Variants in CASZ1 observed in about 807,000 individuals in gnomAD.
CASZ1 encodes the protein zinc finger protein castor homolog 1.
A neutral mutation model predicts 135.2 loss-of-function variants in CASZ1; 28 were observed. The observed-to-expected ratio is 0.21, with a 90% CI of 0.15 to 0.28. The LOEUF (loss-of-function observed/expected upper bound fraction) is 0.28, where lower values mean the gene tolerates loss of function less well. Among genes scored for constraint, CASZ1 ranks in the 10% least tolerant of loss-of-function variants. The probability of loss-of-function intolerance (pLI) is 1.00; values close to 1 mark genes in which losing one functional copy is unlikely to be tolerated. For missense variants in CASZ1, 2,161 were observed against 2,453.3 expected (o/e 0.88, Z 2.52); for synonymous variants, 1,068 against 1,073.4 (o/e 0.99, Z 0.10).
intron 2 of CASZ1, among the ~76,000 whole-genome samples, chr1:10,738,798 T>G (rs1455133456): frequency 1.3e-5 from 2 of 152,140 alleles, no homozygotes; most frequent in Non-Finnish European, 1.5e-5. Flanking sequence ...ACCATTTCAG[T>G]GATCTATATG....
At chr1:10,648,889 T>G in intron 15 of CASZ1, 181 bp downstream of exon 15, 1 of 794,194 alleles carries the variant, frequency 1.3e-6, no homozygotes, top group Non-Finnish European at 1.9e-6. Context: ...AGCCCCCGGC[T>G]GAGGGCTGCA....
Position 10,727,182 on chromosome 1 carries a change from G to T in CASZ1, c.-76-21638C>A, listed in dbSNP as rs1639612817. Among the ~76,000 whole-genome samples the T allele has an allele frequency of 3.3e-5, 5 of 152,046 alleles. No homozygotes were observed. In the South Asian group the frequency reaches 1.0e-3, roughly 31 times the overall value. ...GAGGGAAAAGGGAGAGGTGGCCAGG[G>T]GTAGGGAGAGGCCCGCGACCGTCCC... On this transcript the variant is annotated intron_variant, in intron 2 of 20. Transcript: ENST00000377022. The surrounding 1 kb of genome is among the most constrained non-coding windows in gnomAD (Gnocchi z 5.3).
intron 1 of CASZ1, among the ~76,000 whole-genome samples, chr1:10,785,274 C>T (rs1472781583): frequency 5.3e-5 from 8 of 149,894 alleles, no homozygotes; most frequent in Non-Finnish European, 8.9e-5. Flanking sequence ...TTTCTTCCTT[C>T]TTTCCTTTCC....
intron 3 of CASZ1, among the ~76,000 whole-genome samples, chr1:10,704,969 C>T (rs1639141661): frequency 6.6e-6 from 1 of 152,362 alleles, no homozygotes; most frequent in Admixed American, 6.5e-5. Flanking sequence ...TGGCCTCGGC[C>T]GTGGCCTTCT....
Position 10,721,604 on chromosome 1 carries a change from GC to G in CASZ1, c.-76-16061del. Among the ~76,000 whole-genome samples, 1 of 152,310 alleles carries G rather than the reference GC, an allele frequency of 6.6e-6. No homozygotes were observed. The highest frequency in any genetic ancestry group is 1.9e-4 in the East Asian group (1 of 5,168). ...GGGCAACTGGCTACCTGCCAGCGTGGCCCCCTTGCCATCAGAGCCCACGGGG... is the reference window on the plus strand; with the variant it reads ...GGGCAACTGGCTACCTGCCAGCGTGGCCCCTTGCCATCAGAGCCCACGGGG... On this transcript the variant is annotated intron_variant, in intron 2 of 20. Coordinates refer to ENST00000377022, the MANE Select transcript of CASZ1 (RefSeq NM_001079843.3). The surrounding 1 kb of genome is among the most constrained non-coding windows in gnomAD (Gnocchi z 5.4).
rs776194300 is a variant in CASZ1, at chr1:10,653,530, C to T, written c.2527G>A (p.Gly843Arg). 5.0e-6 allele frequency: 8 copies of T among 1,603,910 alleles called. No individual in the cohort carries two copies. Among genetic ancestry groups the T allele is most frequent in the Non-Finnish European group, 6.8e-6 (8 of 1,174,170 alleles). ...TPDTPTLVAS[G>R]AGDSAPVAAA... ...GCCACGGGGGCTGAGTCTCCAGCTC[C>T]CGAGGCGACCAGCGTGGGTGTGTCA... Residue 843 changes from glycine to arginine, a missense_variant, in exon 11 of 21, where the codon GGA (glycine) becomes AGA (arginine). By Grantham distance (125) the Gly-to-Arg change is moderately radical. Transcript: ENST00000377022.
At chr1:10,645,454 C>T (rs1323902839) in intron 17 of CASZ1, among the ~76,000 whole-genome samples, 2 of 152,084 alleles carry the variant, frequency 1.3e-5, no homozygotes, top group South Asian at 2.1e-4. Context: ...GGCGTGAACC[C>T]GGGAGGCAGA....
chr1:10,740,188 A>G (rs1422629660), intron 2 of CASZ1, among the ~76,000 whole-genome samples: 1 of 152,228 alleles, frequency 6.6e-6, no homozygotes, highest in Admixed American at 6.5e-5. Flanking sequence ...CAGAGAGGCA[A>G]GGCCACTTGC....
chr1:10,733,889 G>A (rs1209771932), intron 2 of CASZ1, among the ~76,000 whole-genome samples: 3 of 152,158 alleles, frequency 2.0e-5, no homozygotes, highest in Admixed American at 1.3e-4. Context: ...CTGAAGGAGA[G>A]TCCATGAAAT....
At position 10,639,529 on chromosome 1, in the gene CASZ1, T is replaced by C. The variant is rs1210178917; in HGVS notation, c.4693A>G (p.Lys1565Glu). 1 of 1,611,154 alleles carries C rather than the reference T, an allele frequency of 6.2e-7. No individual in the cohort carries two copies. The highest frequency in any genetic ancestry group is 8.5e-7 in the Non-Finnish European group (1 of 1,178,828). ...ADCAVPDCKY[K>E]LKCSHFHCTF... is the part of the protein sequence containing the mutation. ...CAGTGGAAGTGCGAGCACTTGAGCT[T>C]GTACTTGCAGTCGGGCACGGCGCAG... Residue 1565 changes from lysine to glutamate, a missense_variant, in exon 21 of 21, where the codon AAG becomes GAG. Physicochemically the swap from Lys to Glu is moderately conservative, Grantham distance 56. Transcript: ENST00000377022. This position sits in a 1 kb window ranked among gnomAD's most constrained non-coding sequence, Gnocchi z 4.0.
At chr1:10,654,262 C>T (rs1642711059) in intron 10 of CASZ1, 44 bp from the exon 11 acceptor site, 1 of 1,590,434 alleles carries the variant, frequency 6.3e-7, no homozygotes, top group African/African-American at 1.5e-5. Flanking sequence ...CAGAGGAGGC[C>T]CCACCCTGCT....
rs188558205 is a variant in CASZ1, at chr1:10,679,177, G to T, written c.17-13606C>A. 1.3e-5 allele frequency among the ~76,000 whole-genome samples: 2 copies of T among 152,192 alleles called. No individual in the cohort carries two copies. The highest frequency in any genetic ancestry group is 2.4e-5 in the African/African-American group (1 of 41,446). On this transcript the variant is annotated intron_variant, in intron 4 of 20. Transcript: ENST00000377022. This position sits in a 1 kb window ranked among gnomAD's most constrained non-coding sequence, Gnocchi z 4.7. ...CTGCAGGGCTGGCACAGAGCTCTCC[G>T]CCAGGGCCTGCTGCTTTTGATGAAA...
intron 20 of CASZ1, among the ~76,000 whole-genome samples, chr1:10,641,274 C>T (rs1183064259): frequency 6.6e-6 from 1 of 152,242 alleles, no homozygotes; most frequent in Non-Finnish European, 1.5e-5. Context: ...TCTGAAGTCA[C>T]AGGGTCTGGT....
At chr1:10,713,995 T>A (rs1639332422) in intron 2 of CASZ1, among the ~76,000 whole-genome samples, 1 of 152,096 alleles carries the variant, frequency 6.6e-6, no homozygotes, top group African/African-American at 2.4e-5. Context: ...ATTTTACAGA[T>A]AAGAAAATGA....
chr1:10,669,031 C>T (rs1643324427), intron 4 of CASZ1, among the ~76,000 whole-genome samples: 1 of 152,238 alleles, frequency 6.6e-6, no homozygotes, highest in Non-Finnish European at 1.5e-5. Flanking sequence ...CAGGGCGCCA[C>T]GAGCAGCAGG....
chr1:10,672,531 T>C (rs1643440730), intron 4 of CASZ1, among the ~76,000 whole-genome samples: 1 of 140,944 alleles, frequency 7.1e-6, no homozygotes. Context: ...AGTGTGTCTG[T>C]CCTTTATTAA....
At position 10,698,995 on chromosome 1, in the gene CASZ1, G is replaced by A. The variant is rs181437242; in HGVS notation, c.-23-5083C>T. Among the ~76,000 whole-genome samples, 1,139 of 152,230 alleles carry A rather than the reference G, an allele frequency of 7.5e-3. 19 individuals are homozygous for A. The highest frequency in any genetic ancestry group is 0.026 in the African/African-American group (1,086 of 41,544). On this transcript the variant is annotated intron_variant, in intron 3 of 20. Coordinates refer to ENST00000377022, the MANE Select transcript of CASZ1 (RefSeq NM_001079843.3). ...TCTCCAGCCACTCAGCTCCCCCACC[G>A]CTCCCCCACCCATGGCCTGGCCTGG...
At chr1:10,663,624 G>A (rs991005328) in intron 5 of CASZ1, among the ~76,000 whole-genome samples, 2 of 152,360 alleles carry the variant, frequency 1.3e-5, no homozygotes, top group South Asian at 4.1e-4. Context: ...CTTGCACAGG[G>A]AGGGGACCAG....
intron 12 of CASZ1, 37 bp from the exon 13 acceptor site, chr1:10,650,792 G>C (rs1642545461): frequency 2.5e-6 from 4 of 1,608,552 alleles, no homozygotes; most frequent in African/African-American, 1.3e-5. Flanking sequence ...AGCTCAGACG[G>C]CCGGGGCCTG....
Sources: allele counts gnomAD v4.1 joint callset (sites outside exome capture counted in the v4.1 genomes callset), GRCh38; gene constraint gnomAD v4.1.1; non-coding constraint Gnocchi (gnomAD v3.1); transcripts MANE v1.5; gene names NCBI Gene and HGNC (gene_info 2026-07-23, HGNC 2026-07-21).